ECE2: variants seen among roughly 807,000 people sequenced by gnomAD.
ECE2 encodes the protein endothelin converting enzyme 2, also known as endothelin-converting enzyme 2.
ECE2 carries 81 observed loss-of-function variants against 100.6 expected under a neutral mutation model. The ratio of observed to expected loss-of-function variants is 0.81; its 90% CI spans 0.67 to 0.97. ECE2 has a LOEUF of 0.97. ECE2 is among the 50% of genes least tolerant of loss of function. ECE2 has a pLI of 0.00. For synonymous variants in ECE2, 391 were observed against 391.5 expected, an observed-to-expected ratio of 1.00 and a Z score of 0.02; for missense variants, 911 against 988.1, an observed-to-expected ratio of 0.92 and a Z score of 1.05.
In ECE2 at chr3:184,278,162, C is replaced by A. The variant is rs745898306; in HGVS notation, c.604-5C>A. 1 of 1,614,008 alleles carries A rather than the reference C, an allele frequency of 6.2e-7. No individual in the cohort carries two copies. The highest frequency in any genetic ancestry group is 8.5e-7 in the Non-Finnish European group (1 of 1,179,954). On this transcript the variant is annotated splice_polypyrimidine_tract_variant and splice_region_variant and intron_variant, in intron 5 of 18. Transcript: ENST00000404464. ...CTAATCATTCCACTTATGGTCTCTA[C>A]ATAGATTGGTGGTTGGAACATTACG...
chr3:184,278,316 G>A lies in ECE2; in HGVS notation c.750+3G>A. 4 of 1,613,702 alleles carry A rather than the reference G, an allele frequency of 2.5e-6. No individual in the cohort carries two copies. Among genetic ancestry groups the A allele is most frequent in the Non-Finnish European group, 3.4e-6 (4 of 1,179,788 alleles). On this transcript the variant is annotated splice_donor_region_variant and intron_variant, in intron 6 of 18. Transcript: ENST00000404464. ...GTTCCAACAGCAATGTTATCCAGGTGATGAGCTGGGAAAGGGTGGGGAGAG... is the reference window on the plus strand; with the variant it reads ...GTTCCAACAGCAATGTTATCCAGGTAATGAGCTGGGAAAGGGTGGGGAGAG...
In ECE2 at chr3:184,283,793, T is replaced by TG; in HGVS notation, c.826dup (p.Ala276GlyfsTer70). 1 of 1,613,700 alleles carries TG rather than the reference T, an allele frequency of 6.2e-7. No individual in the cohort carries two copies. Among genetic ancestry groups the TG allele is most frequent in the Admixed American group, 1.7e-5 (1 of 59,948 alleles). On this transcript the variant is annotated frameshift_variant, in exon 8 of 19. Transcript: ENST00000404464. LOFTEE classifies it high-confidence loss of function. ...CACCCGGGCCTTGACAGGTGCTCAC[T>TG]GCCTATCTGGATTACATGGAGGAAC...
rs773209872 is a variant in ECE2, at chr3:184,277,486, A to T, written c.478+20A>T. 1.4e-5 allele frequency: 23 copies of T among 1,612,428 alleles called. No individual in the cohort carries two copies. The highest frequency in any genetic ancestry group is 2.0e-5 in the Non-Finnish European group (23 of 1,179,244). ...TGCTTGGTGAGTGGGGCTGTTAGGG[A>T]GGCCTTGGGCCACCTATGTGCCTTG... is the stretch of plus-strand genomic sequence containing the variant. On this transcript the variant is annotated intron_variant, in intron 4 of 18. Transcript: ENST00000404464.
intron 7 of ECE2, 125 bp downstream of exon 7, chr3:184,278,682 A>C: frequency 1.1e-6 from 1 of 888,574 alleles, no homozygotes; most frequent in Non-Finnish European, 1.7e-6. Flanking sequence ...TAGTGAACAA[A>C]CTGCCCCTCC....
intron 7 of ECE2, among the ~76,000 whole-genome samples, chr3:184,280,672 A>G (rs1720779917): frequency 6.6e-6 from 1 of 152,058 alleles, no homozygotes; most frequent in African/African-American, 2.4e-5. Flanking sequence ...GTGAAACCCC[A>G]TCTCTACTAA....
rs1302327265 is a variant in ECE2, at chr3:184,276,470, C to A, written c.40-11C>A. 4 of 1,605,494 alleles carry A rather than the reference C, an allele frequency of 2.5e-6. No homozygotes were observed. The highest frequency in any genetic ancestry group is 8.5e-7 in the Non-Finnish European group (1 of 1,177,746). Reference sequence around the variant, plus strand: ...GCCTGACCTCGGTTGGCAACCCCGACTGTCTGGCAGATGGTGGAGTACAAA... The same window carrying A: ...GCCTGACCTCGGTTGGCAACCCCGAATGTCTGGCAGATGGTGGAGTACAAA... On this transcript the variant is annotated splice_polypyrimidine_tract_variant and intron_variant, in intron 1 of 18. Transcript: ENST00000404464.
At chr3:184,278,580 C>T (rs1482380685) in intron 7 of ECE2, 23 bp downstream of exon 7, 2 of 1,613,454 alleles carry the variant, frequency 1.2e-6, no homozygotes, top group African/African-American at 2.7e-5. Context: ...TTCCGAACCC[C>T]CATCCCTACC....
In ECE2 at chr3:184,285,382, C is replaced by T. The variant is rs990925117; in HGVS notation, c.1149-96C>T. The T allele has an allele frequency of 4.0e-5, 41 of 1,036,124 alleles. No individual in the cohort carries two copies. In the Middle Eastern group the frequency reaches 1.2e-3, roughly 31 times the overall value. 64.2% of individuals were successfully genotyped at this position (1,036,124 alleles called of 1,614,324 possible). A position where few individuals can be genotyped will look rare whatever the true frequency, so the allele number is the denominator to read the frequency against. ...CGGGACAGCTTCCACATATGCCTCT[C>T]GGGACTCCTGCAACTTGCATGTTCC... On this transcript the variant is annotated intron_variant, in intron 9 of 18. Transcript: ENST00000404464.
At position 184,289,739 on chromosome 3, in the gene ECE2, G is replaced by C; in HGVS notation, c.1551+21G>C. The C allele has an allele frequency of 1.3e-6, 2 of 1,594,958 alleles. No individual in the cohort carries two copies. Among genetic ancestry groups the C allele is most frequent in the Middle Eastern group, 1.7e-4 (1 of 5,876 alleles). The stretch of plus-strand genomic sequence containing the variant: ...ACGGGGTGAGTACCTACGCTCATCA[G>C]TACTGAACTTCAGCCCTGTAGAGGG... On this transcript the variant is annotated intron_variant, in intron 13 of 18. Coordinates refer to ENST00000404464, the MANE Select transcript of ECE2 (RefSeq NM_001100121.2). The surrounding 1 kb of genome is among the most constrained non-coding windows in gnomAD (Gnocchi z 4.1).
At chr3:184,284,924 C>G (rs765320269) in intron 8 of ECE2, 39 bp from the exon 9 acceptor site, 16 of 1,600,618 alleles carry the variant, frequency 1.0e-5, no homozygotes, top group Non-Finnish European at 1.3e-5. Flanking sequence ...CTGCTGGAAG[C>G]GAGTCGGGCA....
chr3:184,279,430 C>T (rs916652214), intron 7 of ECE2, among the ~76,000 whole-genome samples: 19 of 150,948 alleles, frequency 1.3e-4, no homozygotes, highest in Admixed American at 6.6e-5. Flanking sequence ...CTGAGGCCGG[C>T]GGATCACTTG....
In ECE2 at chr3:184,291,299, G is replaced by A; in HGVS notation, c.2026-45G>A. On this transcript the variant is annotated intron_variant, in intron 17 of 18. Coordinates refer to ENST00000404464, the MANE Select transcript of ECE2 (RefSeq NM_001100121.2). This position sits in a 1 kb window ranked among gnomAD's most constrained non-coding sequence, Gnocchi z 4.1. ...CTGGGGTGAAAGGTGCCGGGTGGGT[G>A]GGGGCAGGCCTGGATGGGCTTGTTG... 3 of 1,588,152 alleles carry A rather than the reference G, an allele frequency of 1.9e-6. No individual in the cohort carries two copies. The highest frequency in any genetic ancestry group is 2.6e-6 in the Non-Finnish European group (3 of 1,165,038).
chr3:184,292,271 C>T lies in ECE2; in HGVS notation c.*33C>T. Reference sequence around the variant, plus strand: ...TCAGGGGAGAAATGGCCAGCTGTCACCAGACCTGGGGCAGCTCTCCTGACA... The same window carrying T: ...TCAGGGGAGAAATGGCCAGCTGTCATCAGACCTGGGGCAGCTCTCCTGACA... On this transcript the variant is annotated 3_prime_UTR_variant, in exon 19 of 19. Coordinates refer to ENST00000404464, the MANE Select transcript of ECE2 (RefSeq NM_001100121.2). 2 of 1,610,354 alleles carry T rather than the reference C, an allele frequency of 1.2e-6. No homozygotes were observed. Among genetic ancestry groups the T allele is most frequent in the Non-Finnish European group, 1.7e-6 (2 of 1,177,218 alleles).
chr3:184,290,668 G>A lies in ECE2; in HGVS notation c.1766+1G>A. 6.2e-7 allele frequency: 1 copy of A among 1,613,970 alleles called. No homozygotes were observed. The highest frequency in any genetic ancestry group is 8.5e-7 in the Non-Finnish European group (1 of 1,179,902). ...CCTTCTATGCCCGCAACCACCCCAA[G>A]TGTGTCTGAAGCAGGAGGGGCTGGG... is the stretch of plus-strand genomic sequence containing the variant. On this transcript the variant is annotated splice_donor_variant, in intron 15 of 18. Coordinates refer to ENST00000404464, the MANE Select transcript of ECE2 (RefSeq NM_001100121.2). LOFTEE classifies it high-confidence loss of function.
At position 184,276,555 on chromosome 3, in the gene ECE2, G is replaced by C; in HGVS notation, c.114G>C (p.Pro38=). Reference sequence around the variant, plus strand: ...CCCCCGTAGAGGGCGGGGCCTCCCCGGACGCCATGGAGGTGGGCAAGGGGG... The same window carrying C: ...CCCCCGTAGAGGGCGGGGCCTCCCCCGACGCCATGGAGGTGGGCAAGGGGG... ...PETPVEGGAS[P]DAMEVGFQKG... Residue 38 remains proline (P), a synonymous_variant, in exon 2 of 19, where the codon CCG becomes CCC. Coordinates refer to ENST00000404464, the MANE Select transcript of ECE2 (RefSeq NM_001100121.2). 1 of 1,610,178 alleles carries C rather than the reference G, an allele frequency of 6.2e-7. No homozygotes were observed. Among genetic ancestry groups the C allele is most frequent in the Non-Finnish European group, 8.5e-7 (1 of 1,179,042 alleles).
In ECE2 at chr3:184,291,456, A is replaced by T; in HGVS notation, c.2121+17A>T. On this transcript the variant is annotated intron_variant, in intron 18 of 18. Transcript: ENST00000404464. This position sits in a 1 kb window ranked among gnomAD's most constrained non-coding sequence, Gnocchi z 4.1. ...TTTGCCCAGGTATCACCCTCTCGGA[A>T]GGCCTGGGGTCTGCCCCTTTGTCCT... 6.4e-7 allele frequency: 1 copy of T among 1,558,614 alleles called. No individual in the cohort carries two copies. The highest frequency in any genetic ancestry group is 8.7e-7 in the Non-Finnish European group (1 of 1,152,934).
Position 184,292,138 on chromosome 3 carries a change from G to C in ECE2, c.2198G>C (p.Arg733Pro). Residue 733 changes from arginine (R) to proline (P), a missense_variant, in exon 19 of 19, where the codon CGC becomes CCC. By Grantham distance (103) the Arg-to-Pro change is moderately radical. Coordinates refer to ENST00000404464, the MANE Select transcript of ECE2 (RefSeq NM_001100121.2). ...GACCCCCACAGCCCTGCCCGCTTCC[G>C]CGTGCTGGGCACTCTCTCCAACTCC... is the stretch of plus-strand genomic sequence containing the variant. ...VTDPHSPARF[R>P]VLGTLSNSRD... is the part of the protein sequence containing the mutation. 3 of 1,614,056 alleles carry C rather than the reference G, an allele frequency of 1.9e-6. No homozygotes were observed. In the South Asian group the frequency reaches 3.3e-5, roughly 18 times the overall value.
chr3:184,284,297 C>A (rs528484967), intron 8 of ECE2, among the ~76,000 whole-genome samples: 1 of 152,170 alleles, frequency 6.6e-6, no homozygotes, highest in South Asian at 2.1e-4. Context: ...AATCCCAGCA[C>A]TTTGGGAGGC....
Position 184,292,129 on chromosome 3 carries a change from C to T in ECE2, c.2189C>T (p.Ala730Val), listed in dbSNP as rs781722651. Residue 730 changes from alanine (A) to valine (V), a missense_variant, in exon 19 of 19, where the codon GCC becomes GTC. Coordinates refer to ENST00000404464, the MANE Select transcript of ECE2 (RefSeq NM_001100121.2). ...EGLVTDPHSPARFRVLGTLSN... is the reference protein window; with the variant it reads ...EGLVTDPHSPVRFRVLGTLSN... ...CTGGTGACCGACCCCCACAGCCCTGCCCGCTTCCGCGTGCTGGGCACTCTC... is the reference window on the plus strand; with the variant it reads ...CTGGTGACCGACCCCCACAGCCCTGTCCGCTTCCGCGTGCTGGGCACTCTC... 6.2e-7 allele frequency: 1 copy of T among 1,614,034 alleles called. No homozygotes were observed. The highest frequency in any genetic ancestry group is 1.7e-5 in the Admixed American group (1 of 60,020).
Sources: allele counts gnomAD v4.1 joint callset (sites outside exome capture counted in the v4.1 genomes callset), GRCh38; gene constraint gnomAD v4.1.1; non-coding constraint Gnocchi (gnomAD v3.1); transcripts MANE v1.5; gene names NCBI Gene and HGNC (gene_info 2026-07-23, HGNC 2026-07-21).